CNBD1: variants seen among roughly 807,000 people sequenced by gnomAD.
CNBD1 encodes cyclic nucleotide binding domain containing 1, also known as cyclic nucleotide-binding domain-containing protein 1.
Under a neutral mutation model 54.4 loss-of-function variants are expected in CNBD1, and 71 were observed. The observed-to-expected ratio is 1.30, with a 90% confidence interval of 1.08 to 1.59. The LOEUF (loss-of-function observed/expected upper bound fraction) is 1.59. CNBD1 is among the 40% of genes most tolerant of loss of function. The pLI, the probability that CNBD1 is intolerant of heterozygous loss-of-function variation, is 0.00. For synonymous variants in CNBD1, 182 were observed against 170.7 expected (o/e 1.07, Z -0.51); for missense variants, 659 against 518.0 (o/e 1.27, Z -2.64).
chr8:87,046,921 A>T (rs1810205820), intron 4 of CNBD1, among the ~76,000 whole-genome samples: 1 of 152,264 alleles, frequency 6.6e-6, no homozygotes, highest in South Asian at 2.1e-4. Flanking sequence ...CTGAGGTGGC[A>T]TATTTGGAAA....
intron 5 of CNBD1, among the ~76,000 whole-genome samples, chr8:87,212,565 A>G (rs1226074775): frequency 6.6e-6 from 1 of 152,200 alleles, no homozygotes; most frequent in Admixed American, 6.5e-5. Context: ...TTGATGGTCT[A>G]TTGGTTTTAG....
intron 10 of CNBD1, among the ~76,000 whole-genome samples, chr8:87,356,380 C>T (rs973619429): frequency 2.6e-5 from 4 of 152,088 alleles, no homozygotes; most frequent in Non-Finnish European, 4.4e-5. Context: ...ATAGTGAAGG[C>T]CAGGCTTATG....
rs1809071004 is a variant in CNBD1, at chr8:86,909,635, T to A, written c.272+4441T>A. The stretch of plus-strand genomic sequence containing the variant: ...TTGGTGTGCAACATTGCAGTGATTT[T>A]TACTCAGAATATGTAAACTGCAGCT... On this transcript the variant is annotated intron_variant, in intron 3 of 10. Coordinates refer to ENST00000518476, the MANE Select transcript of CNBD1 (RefSeq NM_173538.3). Among the ~76,000 whole-genome samples the A allele has an allele frequency of 2.0e-5, 3 of 152,202 alleles. No individual in the cohort carries two copies. In the South Asian group the frequency reaches 6.2e-4, roughly 31 times the overall value.
intron 3 of CNBD1, among the ~76,000 whole-genome samples, chr8:86,913,706 A>G (rs1317523077): frequency 1.3e-5 from 2 of 152,170 alleles, no homozygotes; most frequent in African/African-American, 4.8e-5. Flanking sequence ...AGCATCACTA[A>G]TGAAGTAGAC....
chr8:87,416,783 A>G (rs1367826264), intron 2 of CNBD1, among the ~76,000 whole-genome samples: 1 of 152,058 alleles, frequency 6.6e-6, no homozygotes, highest in Non-Finnish European at 1.5e-5. Context: ...ACATTTTCCA[A>G]TGCATTCTAT....
At chr8:87,300,944 A>T (rs1416204237) in intron 8 of CNBD1, among the ~76,000 whole-genome samples, 1 of 152,098 alleles carries the variant, frequency 6.6e-6, no homozygotes, top group Non-Finnish European at 1.5e-5. Flanking sequence ...AAATTGATAG[A>T]CCATTGGCAT....
At chr8:87,309,994 A>G (rs574600718) in intron 8 of CNBD1, among the ~76,000 whole-genome samples, 3 of 152,282 alleles carry the variant, frequency 2.0e-5, no homozygotes, top group Non-Finnish European at 4.4e-5. Context: ...TCAAGATACA[A>G]AATCAATGTA....
intron 10 of CNBD1, among the ~76,000 whole-genome samples, chr8:87,357,669 C>G (rs1309142972): frequency 6.6e-6 from 1 of 152,056 alleles, no homozygotes; most frequent in Non-Finnish European, 1.5e-5. Context: ...TGTCTTGAGT[C>G]TCAGATGGAA....
chr8:87,414,762 A>G (rs1294413809), intron 2 of CNBD1, among the ~76,000 whole-genome samples: 1 of 143,658 alleles, frequency 7.0e-6, no homozygotes, highest in African/African-American at 2.7e-5. Flanking sequence ...CTTGAAAACT[A>G]AAGTAAAAAA....
At chr8:87,235,610 C>T (rs1037519256) in intron 5 of CNBD1, among the ~76,000 whole-genome samples, 4 of 151,994 alleles carry the variant, frequency 2.6e-5, no homozygotes, top group East Asian at 1.9e-4. Flanking sequence ...GCATAGTTTG[C>T]GGTGCCCAAA....
At chr8:86,951,231 C>T (rs911916975) in intron 4 of CNBD1, among the ~76,000 whole-genome samples, 7 of 152,010 alleles carry the variant, frequency 4.6e-5, no homozygotes, top group Non-Finnish European at 7.4e-5. Flanking sequence ...GATTTAATAT[C>T]AGGTAAAAGT....
chr8:87,385,597 A>G (rs910901109), downstream of CNBD1, among the ~76,000 whole-genome samples: 10 of 152,138 alleles, frequency 6.6e-5, no homozygotes, highest in African/African-American at 2.2e-4. Context: ...CCGAGGCTTG[A>G]GTAGGTAAAC....
chr8:87,210,730 G>C (rs1349342992), intron 5 of CNBD1, among the ~76,000 whole-genome samples: 1 of 152,190 alleles, frequency 6.6e-6, no homozygotes, highest in Admixed American at 6.5e-5. Flanking sequence ...CCTCTGCCAA[G>C]ATTTCAATGG....
intron 8 of CNBD1, among the ~76,000 whole-genome samples, chr8:87,323,150 T>C (rs1809576931): frequency 8.0e-6 from 1 of 125,414 alleles, no homozygotes; most frequent in African/African-American, 3.0e-5. Flanking sequence ...CTCTGTTCTA[T>C]TCCATTGATC....
At chr8:87,140,839 C>T (rs1384603521) in intron 4 of CNBD1, among the ~76,000 whole-genome samples, 2 of 152,130 alleles carry the variant, frequency 1.3e-5, no homozygotes, top group African/African-American at 2.4e-5. Context: ...TAACTGGTGA[C>T]AGTATGTGTG....
rs117200485 is a variant in CNBD1 at position 87,034,402 on chromosome 8, A to G, written c.431+94648A>G. 1.1e-3 allele frequency among the ~76,000 whole-genome samples: 169 copies of G among 152,340 alleles called. 3 individuals carry two copies. The East Asian group carries it at 0.031, about 28-fold the overall frequency. ...AATGGTTAGAATCACCTGGTGTTTTAAGCTAATACTGGCAACTCTTGAGCT... is the reference window on the plus strand; with the variant it reads ...AATGGTTAGAATCACCTGGTGTTTTGAGCTAATACTGGCAACTCTTGAGCT... On this transcript the variant is annotated intron_variant, in intron 4 of 10. Transcript: ENST00000518476.
intron 8 of CNBD1, among the ~76,000 whole-genome samples, chr8:87,338,581 C>T (rs1023703001): frequency 2.7e-5 from 4 of 149,710 alleles, no homozygotes; most frequent in East Asian, 2.0e-4. Flanking sequence ...CTATAGGTAA[C>T]GTATTTTTTA....
intron 6 of CNBD1, among the ~76,000 whole-genome samples, chr8:87,239,449 G>C (rs886779100): frequency 6.6e-6 from 1 of 151,962 alleles, no homozygotes; most frequent in Admixed American, 6.6e-5. Flanking sequence ...GTCTAGGAGA[G>C]TTTTGTAGTT....
At chr8:87,267,530 A>G (rs1414987172) in intron 6 of CNBD1, among the ~76,000 whole-genome samples, 2 of 152,178 alleles carry the variant, frequency 1.3e-5, no homozygotes, top group Admixed American at 6.5e-5. Context: ...ATCCATAGTC[A>G]TATATTTTAG....
Sources: allele counts gnomAD v4.1 joint callset (sites outside exome capture counted in the v4.1 genomes callset), GRCh38; gene constraint gnomAD v4.1.1; transcripts MANE v1.5; gene names NCBI Gene and HGNC (gene_info 2026-07-23, HGNC 2026-07-21).